Variants in ELAVL2 observed in about 807,000 individuals in gnomAD.
ELAVL2 encodes ELAV like RNA binding protein 2, also known as ELAV-like protein 2.
In ELAVL2, 4 loss-of-function variants were observed where a neutral mutation model predicts 34.6. That is an observed-to-expected ratio of 0.12 (90% CI 0.06 to 0.26). The LOEUF (loss-of-function observed/expected upper bound fraction) is 0.26. ELAVL2 is among the 10% of genes least tolerant of loss of function. The pLI, the probability that ELAVL2 is intolerant of heterozygous loss-of-function variation, is 1.00. For missense variants in ELAVL2, 432 were observed against 442.8 expected (o/e 0.98, Z 0.22); for synonymous variants, 193 against 154.8 (o/e 1.25, Z -1.83).
intron 2 of ELAVL2, among the ~76,000 whole-genome samples, chr9:23,741,259 T>A (rs139069611): frequency 9.2e-5 from 14 of 152,186 alleles, no homozygotes; most frequent in Middle Eastern, 3.4e-3. Flanking sequence ...ACGTAAGGCA[T>A]CTATGTAGAG....
In ELAVL2 at chr9:23,698,925, A is replaced by C. The variant is rs115990251; in HGVS notation, c.713+2454T>G. On this transcript the variant is annotated intron_variant, in intron 5 of 6. Transcript: ENST00000397312. ...TTCATATTTTATTATCTGGACAGGG[A>C]TCATGGGAGGAATGAGAAATGGGGT... is the stretch of plus-strand genomic sequence containing the variant. Among the ~76,000 whole-genome samples the C allele has an allele frequency of 2.5e-3, 387 of 152,298 alleles. 1 individual carries two copies. Among genetic ancestry groups the C allele is most frequent in the African/African-American group, 9.0e-3 (373 of 41,570 alleles).
In ELAVL2 at chr9:23,731,144, A is replaced by G. The variant is rs758610913; in HGVS notation, c.230-19T>C. The G allele has an allele frequency of 6.3e-6, 10 of 1,599,006 alleles. No homozygotes were observed. In the East Asian group the frequency reaches 9.0e-5, roughly 14 times the overall value. ...CTCTGCCCTAATGAAAAGGAAGGGGAAAAAGGCATATATTAGTTCTATACT... is the reference window on the plus strand; with the variant it reads ...CTCTGCCCTAATGAAAAGGAAGGGGGAAAAGGCATATATTAGTTCTATACT... On this transcript the variant is annotated intron_variant, in intron 2 of 6. Coordinates refer to ENST00000397312, the MANE Select transcript of ELAVL2 (RefSeq NM_004432.5).
intron 5 of ELAVL2, among the ~76,000 whole-genome samples, chr9:23,700,514 C>A (rs1475955585): frequency 6.6e-6 from 1 of 152,152 alleles, no homozygotes; most frequent in Non-Finnish European, 1.5e-5. Flanking sequence ...CACGGTCATT[C>A]TATGAACTAC....
At chr9:23,775,349 G>A (rs917858612) in intron 1 of ELAVL2, among the ~76,000 whole-genome samples, 1 of 152,128 alleles carries the variant, frequency 6.6e-6, no homozygotes, top group Non-Finnish European at 1.5e-5. Context: ...CAGCTTGGGT[G>A]GCAGAGCAAG....
chr9:23,744,849 ACT>A (rs2050123362), intron 2 of ELAVL2, among the ~76,000 whole-genome samples: 1 of 152,074 alleles, frequency 6.6e-6, no homozygotes, highest in Non-Finnish European at 1.5e-5. Flanking sequence ...CTTCATTTGC[ACT>A]CTCTGTCATT....
At chr9:23,748,582 A>G (rs1242266652) in intron 2 of ELAVL2, among the ~76,000 whole-genome samples, 1 of 152,170 alleles carries the variant, frequency 6.6e-6, no homozygotes, top group Non-Finnish European at 1.5e-5. Flanking sequence ...AAAGAATAAA[A>G]CAAGCTTGAA....
intron 3 of ELAVL2, among the ~76,000 whole-genome samples, chr9:23,707,976 A>ACCC (rs1329338215): frequency 6.6e-6 from 1 of 152,124 alleles, no homozygotes. Context: ...CCTAAAATAT[A>ACCC]TTTAGGAAAA....
At chr9:23,831,977 G>A in the ELAVL2 span, among the ~76,000 whole-genome samples, 3 of 152,162 alleles carry the variant, frequency 2.0e-5, no homozygotes, top group Non-Finnish European at 4.4e-5. Context: ...ACAGTATGGA[G>A]TTGTGTAAAG....
intron 4 of ELAVL2, 106 bp from the exon 5 acceptor site, chr9:23,701,710 C>T (rs1193028375): frequency 8.7e-7 from 1 of 1,151,044 alleles, no homozygotes; most frequent in African/African-American, 1.6e-5. Flanking sequence ...ATGTTTTCAC[C>T]TACATATAAC....
chr9:23,704,025 G>A (rs575096946), intron 4 of ELAVL2, among the ~76,000 whole-genome samples: 1 of 151,906 alleles, frequency 6.6e-6, no homozygotes, highest in East Asian at 1.9e-4. Context: ...CTCCGCCTCT[G>A]GGGTTCAAGT....
chr9:23,715,729 G>C (rs542288760), intron 3 of ELAVL2, among the ~76,000 whole-genome samples: 4 of 152,162 alleles, frequency 2.6e-5, no homozygotes, highest in Non-Finnish European at 5.9e-5. Flanking sequence ...GATATAATTT[G>C]TGTAGTATCT....
intron 1 of ELAVL2, among the ~76,000 whole-genome samples, chr9:23,782,620 T>G (rs1158310060): frequency 2.0e-5 from 3 of 151,954 alleles, no homozygotes; most frequent in Non-Finnish European, 1.5e-5. Context: ...CAAAAAACCA[T>G]GCAAGAGCTT....
At chr9:23,740,376 G>A (rs79809535) in intron 2 of ELAVL2, among the ~76,000 whole-genome samples, 152 of 151,340 alleles carry the variant, frequency 1.0e-3, no homozygotes, top group Middle Eastern at 3.4e-3. Flanking sequence ...TTGCTCAAGG[G>A]CACACACAGC....
chr9:23,782,156 T>G (rs952852992), intron 1 of ELAVL2, among the ~76,000 whole-genome samples: 9 of 152,128 alleles, frequency 5.9e-5, no homozygotes, highest in African/African-American at 1.9e-4. Flanking sequence ...TCCAAGCAGA[T>G]AACCAAGTCA....
At chr9:23,726,068 G>T (rs972753851) in intron 3 of ELAVL2, among the ~76,000 whole-genome samples, 6 of 151,720 alleles carry the variant, frequency 4.0e-5, no homozygotes, top group African/African-American at 1.5e-4. Flanking sequence ...TCAAGCTCAT[G>T]CTGAACAGAA....
In ELAVL2 at chr9:23,770,007, A is replaced by G. The variant is rs183633262; in HGVS notation, c.-15-7758T>C. Reference sequence around the variant, plus strand: ...GCAATGGGAAAGTAAAGATCTGGCGAAAAAGATCTGCTTAAGTTTCATGTT... The same window carrying G: ...GCAATGGGAAAGTAAAGATCTGGCGGAAAAGATCTGCTTAAGTTTCATGTT... On this transcript the variant is annotated intron_variant, in intron 1 of 6. Transcript: ENST00000397312. Among the ~76,000 whole-genome samples, 143 of 152,330 alleles carry G rather than the reference A, an allele frequency of 9.4e-4. No homozygotes were observed. In the Middle Eastern group the frequency reaches 0.01, roughly 11 times the overall value.
intron 1 of ELAVL2, among the ~76,000 whole-genome samples, chr9:23,772,012 A>G (rs2057385167): frequency 6.6e-6 from 1 of 152,222 alleles, no homozygotes; most frequent in African/African-American, 2.4e-5. Context: ...AAAAAGGGAT[A>G]TGAGTACAAC....
intron 2 of ELAVL2, among the ~76,000 whole-genome samples, chr9:23,739,541 C>A (rs1022639373): frequency 6.6e-6 from 1 of 152,002 alleles, no homozygotes; most frequent in African/African-American, 2.4e-5. Context: ...CCGCCACCGC[C>A]CCTACCCCCA....
At chr9:23,787,068 G>C (rs2059778176) in intron 1 of ELAVL2, among the ~76,000 whole-genome samples, 1 of 152,068 alleles carries the variant, frequency 6.6e-6, no homozygotes. Flanking sequence ...CATGAGGAAA[G>C]GGCAACAGAT....
Sources: allele counts gnomAD v4.1 joint callset (sites outside exome capture counted in the v4.1 genomes callset), GRCh38; gene constraint gnomAD v4.1.1; transcripts MANE v1.5; gene names NCBI Gene and HGNC (gene_info 2026-07-23, HGNC 2026-07-21).